The following TSNARE1 variants were observed in gnomAD, a reference collection of about 807,000 sequenced individuals.
TSNARE1 encodes t-SNARE domain-containing protein 1.
TSNARE1 carries 49 observed loss-of-function variants against 62.0 expected under a neutral mutation model. The observed-to-expected ratio is 0.79, with a 90% confidence interval of 0.63 to 1.00. The LOEUF (loss-of-function observed/expected upper bound fraction) is 1.00. Among genes scored for constraint, TSNARE1 ranks in the 50% least tolerant of loss-of-function variants. The pLI, the probability that TSNARE1 is intolerant of heterozygous loss-of-function variation, is 0.00. For missense variants in TSNARE1, 755 were observed against 700.1 expected, an observed-to-expected ratio of 1.08 and a Z score of -0.88; for synonymous variants, 328 against 294.4, an observed-to-expected ratio of 1.11 and a Z score of -1.17.
intron 3 of TSNARE1, among the ~76,000 whole-genome samples, chr8:142,344,975 C>T (rs889324791): frequency 7.2e-5 from 11 of 152,206 alleles, no homozygotes; most frequent in African/African-American, 1.2e-4. Context: ...GGGCCAGGGC[C>T]GGTGGGGACA....
At chr8:142,254,302 C>T (rs1003251227) in intron 12 of TSNARE1, among the ~76,000 whole-genome samples, 2 of 152,192 alleles carry the variant, frequency 1.3e-5, no homozygotes. Context: ...CTTCCTGGCA[C>T]GGAGGCCCTC....
In TSNARE1 at chr8:142,270,212, C is replaced by G. The variant is rs1055529857; in HGVS notation, c.1446+4569G>C. On this transcript the variant is annotated intron_variant, in intron 12 of 13. Transcript: ENST00000524325. ...CGCGCAGGGACTGGAGATGTGGCAGCCCCGCCAAGGGATCTCCCAAGAGTC... is the reference window on the plus strand; with the variant it reads ...CGCGCAGGGACTGGAGATGTGGCAGGCCCGCCAAGGGATCTCCCAAGAGTC... The G allele has an allele frequency of 4.1e-6, 4 of 985,152 alleles. No homozygotes were observed. In the African/African-American group the frequency reaches 7.0e-5, roughly 17 times the overall value. 61.0% of individuals were successfully genotyped at this position (985,152 alleles called of 1,614,324 possible). A position where few individuals can be genotyped will look rare whatever the true frequency, so the allele number is the denominator to read the frequency against.
intron 2 of TSNARE1, among the ~76,000 whole-genome samples, chr8:142,347,203 T>C (rs954374847): frequency 6.6e-6 from 1 of 152,088 alleles, no homozygotes; most frequent in Non-Finnish European, 1.5e-5. Context: ...GGCAGAGAAG[T>C]GCAGCAAAGT....
At chr8:142,284,747 T>C (rs1822394118) in intron 10 of TSNARE1, among the ~76,000 whole-genome samples, 1 of 152,208 alleles carries the variant, frequency 6.6e-6, no homozygotes, top group Non-Finnish European at 1.5e-5. Flanking sequence ...CTCCTGACTC[T>C]GAAGCCAAAC....
rs181614816 is a variant in TSNARE1 at position 142,316,911 on chromosome 8, G to A, written c.984+1633C>T. Among the ~76,000 whole-genome samples, 858 of 152,002 alleles carry A rather than the reference G, an allele frequency of 5.6e-3. 9 individuals are homozygous for A. The highest frequency in any genetic ancestry group is 0.019 in the African/African-American group (808 of 41,568). On this transcript the variant is annotated intron_variant, in intron 7 of 13. Coordinates refer to ENST00000524325, the MANE Select transcript of TSNARE1 (RefSeq NM_145003.5). The stretch of plus-strand genomic sequence containing the variant: ...GGCATGCATTTCCCCTGTAGGACTG[G>A]CTGAGCCACGCTGCTGGCTCTGCAG...
chr8:142,314,700 C>T (rs866823748), intron 8 of TSNARE1, among the ~76,000 whole-genome samples: 4 of 152,208 alleles, frequency 2.6e-5, no homozygotes, highest in South Asian at 2.1e-4. Flanking sequence ...TCTGTCCACG[C>T]GTGGGAGCTC....
At chr8:142,329,904 G>C (rs1040825691) in intron 6 of TSNARE1, among the ~76,000 whole-genome samples, 1 of 152,258 alleles carries the variant, frequency 6.6e-6, no homozygotes, top group Non-Finnish European at 1.5e-5. Flanking sequence ...CAGCTGGTGC[G>C]TGAGGCTGTG....
rs145890310 is a variant in TSNARE1 at position 142,340,399 on chromosome 8, G to A, written c.745+3567C>T. On this transcript the variant is annotated intron_variant, in intron 4 of 13. Coordinates refer to ENST00000524325, the MANE Select transcript of TSNARE1 (RefSeq NM_145003.5). ...GGAAACGTCCAGAACAGGCAAAGCC[G>A]CAGGCAGACCGCAGACTAGAGCTGC... Among the ~76,000 whole-genome samples, 216 of 152,278 alleles carry A rather than the reference G, an allele frequency of 1.4e-3. 2 individuals are homozygous for A. Among genetic ancestry groups the A allele is most frequent in the African/African-American group, 4.8e-3 (201 of 41,570 alleles).
rs756709991 is a variant in TSNARE1 at position 142,389,325 on chromosome 8, C to T, written c.-40+13779G>A. 2.9e-4 allele frequency among the ~76,000 whole-genome samples: 44 copies of T among 152,226 alleles called. 1 individual carries two copies. Among genetic ancestry groups the T allele is most frequent in the Non-Finnish European group, 5.6e-4 (38 of 68,014 alleles). ...AGAAAAGGGAGCAAAAGCTCCACAA[C>T]GTCAGTCTGGGCAATGATTTTTTTA... is the stretch of plus-strand genomic sequence containing the variant. On this transcript the variant is annotated intron_variant, in intron 1 of 13. Transcript: ENST00000524325.
At chr8:142,334,252 G>T (rs897902011) in intron 4 of TSNARE1, among the ~76,000 whole-genome samples, 1 of 152,168 alleles carries the variant, frequency 6.6e-6, no homozygotes, top group Non-Finnish European at 1.5e-5. Flanking sequence ...CTACCCCATG[G>T]CTGTGCTGGA....
intron 12 of TSNARE1, among the ~76,000 whole-genome samples, chr8:142,264,023 A>T (rs1465151936): frequency 6.6e-6 from 1 of 152,152 alleles, no homozygotes; most frequent in Admixed American, 6.5e-5. Flanking sequence ...TTTAATGTCT[A>T]TTTTAATTTT....
intron 11 of TSNARE1, among the ~76,000 whole-genome samples, chr8:142,279,502 C>T (rs1363233718): frequency 1.3e-5 from 2 of 152,356 alleles, no homozygotes; most frequent in South Asian, 2.1e-4. Context: ...CACCTCTCTA[C>T]AGTGACTAGG....
At chr8:142,343,371 G>C (rs1037124702) in intron 4 of TSNARE1, among the ~76,000 whole-genome samples, 1 of 151,906 alleles carries the variant, frequency 6.6e-6, no homozygotes, top group African/African-American at 2.4e-5. Flanking sequence ...AGCACAAGAC[G>C]CAGCAGGAGG....
chr8:142,221,736 T>C (rs62512618), intron 13 of TSNARE1, among the ~76,000 whole-genome samples: 13 of 27,522 alleles, frequency 4.7e-4, no homozygotes, highest in African/African-American at 7.6e-4. Context: ...CACTCACTCA[T>C]TCACTCACTC....
chr8:142,276,181 G>A (rs1285153542), intron 11 of TSNARE1: 1 of 985,464 alleles, frequency 1.0e-6, no homozygotes, highest in East Asian at 1.1e-4. Context: ...CCTGCACAAG[G>A]AGCCAAAGCC....
chr8:142,354,067 G>A (rs1038888687), intron 2 of TSNARE1, among the ~76,000 whole-genome samples: 22 of 152,274 alleles, frequency 1.4e-4, no homozygotes, highest in East Asian at 1.4e-3. Flanking sequence ...GAGCAGGAGC[G>A]GGGGGTTACC....
At chr8:142,309,146 C>G (rs183462147) in intron 9 of TSNARE1, among the ~76,000 whole-genome samples, 1 of 152,170 alleles carries the variant, frequency 6.6e-6, no homozygotes, top group African/African-American at 2.4e-5. Flanking sequence ...CCTGTCCTGC[C>G]GCATTCACTG....
chr8:142,271,073 AC>A, intron 12 of TSNARE1: 1 of 985,580 alleles, frequency 1.0e-6, no homozygotes, highest in Non-Finnish European at 1.2e-6. Flanking sequence ...CTCTGCCAGC[AC>A]CCCCGACCAG....
At position 142,316,032 on chromosome 8, in the gene TSNARE1, G is replaced by A. The variant is rs1828475014; in HGVS notation, c.985-940C>T. Among the ~76,000 whole-genome samples the A allele has an allele frequency of 3.3e-5, 5 of 152,344 alleles. No homozygotes were observed. The South Asian group carries it at 1.0e-3, about 32-fold the overall frequency. On this transcript the variant is annotated intron_variant, in intron 7 of 13. Transcript: ENST00000524325. ...CACCCAACTCTGCTCTCACCCCACA[G>A]AAACGCCTCTCAGAATCGCAACCCT...
Sources: allele counts gnomAD v4.1 joint callset (sites outside exome capture counted in the v4.1 genomes callset), GRCh38; gene constraint gnomAD v4.1.1; transcripts MANE v1.5; gene names NCBI Gene and HGNC (gene_info 2026-07-23, HGNC 2026-07-21).